The following ROBO2 variants were observed in gnomAD, a reference collection of about 807,000 sequenced individuals.
ROBO2 encodes the protein roundabout guidance receptor 2, also known as roundabout homolog 2.
Under a neutral mutation model 160.8 loss-of-function variants are expected in ROBO2, and 53 were observed. The observed-to-expected ratio is 0.33, with a 90% CI of 0.26 to 0.41. The LOEUF is 0.41. Ranked by LOEUF, ROBO2 falls within the 10% of genes least tolerant of loss-of-function variation. The probability of loss-of-function intolerance (pLI) is 1.00; values close to 1 mark genes in which losing one functional copy is unlikely to be tolerated. For missense variants in ROBO2, 1,577 were observed against 1,722.4 expected (o/e 0.92, Z 1.49); for synonymous variants, 664 against 611.7 (o/e 1.09, Z -1.26).
intron 2 of ROBO2, among the ~76,000 whole-genome samples, chr3:76,409,174 A>G (rs2075363123): frequency 6.6e-6 from 1 of 152,050 alleles, no homozygotes; most frequent in Non-Finnish European, 1.5e-5. Flanking sequence ...GGAAATCTCT[A>G]AAGACTCATG....
At chr3:76,990,230 A>G (rs1559808861) in intron 2 of ROBO2, among the ~76,000 whole-genome samples, 2 of 152,284 alleles carry the variant, frequency 1.3e-5, no homozygotes, top group South Asian at 4.1e-4. Flanking sequence ...TGAAAACCTT[A>G]GCTTTTCTTA....
intron 2 of ROBO2, among the ~76,000 whole-genome samples, chr3:75,970,276 T>C (rs2064956228): frequency 6.6e-6 from 1 of 151,518 alleles, no homozygotes; most frequent in South Asian, 2.1e-4. Context: ...TCCAATAGAA[T>C]ATACAGTTCG....
chr3:76,657,474 G>A (rs1002101263), intron 2 of ROBO2, among the ~76,000 whole-genome samples: 5 of 150,812 alleles, frequency 3.3e-5, no homozygotes, highest in Admixed American at 3.3e-4. Flanking sequence ...GGCCAGCTGC[G>A]GTGGCTCACG....
At position 76,924,187 on chromosome 3, in the gene ROBO2, A is replaced by T. The variant is rs145597393; in HGVS notation, c.110-173827A>T. The stretch of plus-strand genomic sequence containing the variant: ...CCATAATTTTCTACCTTGTATTATT[A>T]TATAATTATTTATGTACTGGTAGGA... On this transcript the variant is annotated intron_variant, in intron 2 of 26. Transcript: ENST00000487694. 6.2e-4 allele frequency among the ~76,000 whole-genome samples: 95 copies of T among 152,300 alleles called. No individual in the cohort carries two copies. The East Asian group carries it at 0.017, about 28-fold the overall frequency.
intron 2 of ROBO2, among the ~76,000 whole-genome samples, chr3:77,245,012 C>A (rs1426607047): frequency 6.6e-6 from 1 of 150,684 alleles, no homozygotes; most frequent in African/African-American, 2.4e-5. Context: ...ATTTTGCTCA[C>A]AAATATTATA....
intron 2 of ROBO2, among the ~76,000 whole-genome samples, chr3:76,609,608 T>G (rs554403154): frequency 3.2e-4 from 48 of 152,322 alleles, no homozygotes; most frequent in African/African-American, 1.1e-3. Flanking sequence ...TTAGCTTGGA[T>G]AGGTTTTTGG....
intron 2 of ROBO2, among the ~76,000 whole-genome samples, chr3:76,013,273 GC>G (rs980490759): frequency 1.4e-5 from 2 of 147,730 alleles, no homozygotes; most frequent in African/African-American, 5.0e-5. Flanking sequence ...GCAATTGGAG[GC>G]TGGGCACGGT....
At chr3:77,028,318 C>T (rs547107140) in intron 2 of ROBO2, among the ~76,000 whole-genome samples, 12 of 152,176 alleles carry the variant, frequency 7.9e-5, no homozygotes, top group African/African-American at 2.2e-4. Flanking sequence ...ACTCTTCTGC[C>T]GAAGTCACTT....
chr3:77,580,419 A>G (rs1202637766), intron 16 of ROBO2, among the ~76,000 whole-genome samples: 3 of 152,184 alleles, frequency 2.0e-5, no homozygotes, highest in Non-Finnish European at 4.4e-5. Flanking sequence ...CCATTGAAAT[A>G]TAATAAAAAT....
At chr3:77,006,637 G>A (rs896860044) in intron 2 of ROBO2, among the ~76,000 whole-genome samples, 29 of 152,086 alleles carry the variant, frequency 1.9e-4, no homozygotes, top group Middle Eastern at 3.4e-3. Context: ...GATAAAGCAC[G>A]CTTGAAATAT....
chr3:76,143,087 C>A (rs186468033), intron 2 of ROBO2, among the ~76,000 whole-genome samples: 4 of 151,776 alleles, frequency 2.6e-5, no homozygotes, highest in Middle Eastern at 3.4e-3. Context: ...AGTTCAATGG[C>A]ACAATCTTAG....
At chr3:77,020,801 T>A (rs1484810176) in intron 2 of ROBO2, among the ~76,000 whole-genome samples, 2 of 152,198 alleles carry the variant, frequency 1.3e-5, no homozygotes, top group Non-Finnish European at 2.9e-5. Context: ...TCTTGAATAG[T>A]AAGATATAGT....
chr3:76,049,691 C>G (rs568859409), intron 2 of ROBO2, among the ~76,000 whole-genome samples: 4 of 152,042 alleles, frequency 2.6e-5, no homozygotes, highest in Non-Finnish European at 4.4e-5. Flanking sequence ...ATATTCTTCT[C>G]TGAATTTAAT....
chr3:76,494,183 A>G (rs2107562670), intron 2 of ROBO2, among the ~76,000 whole-genome samples: 1 of 152,340 alleles, frequency 6.6e-6, no homozygotes, highest in African/African-American at 2.4e-5. Flanking sequence ...GTATATACAT[A>G]CAATGAAATA....
chr3:76,265,974 T>A (rs535563574), intron 2 of ROBO2, among the ~76,000 whole-genome samples: 2 of 152,172 alleles, frequency 1.3e-5, no homozygotes, highest in African/African-American at 2.4e-5. Context: ...TCTTCAAGAA[T>A]ATAATTTTAC....
At chr3:77,374,937 G>A (rs909890929) in intron 2 of ROBO2, among the ~76,000 whole-genome samples, 1 of 152,242 alleles carries the variant, frequency 6.6e-6, no homozygotes, top group African/African-American at 2.4e-5. Context: ...TGCTGGGCAT[G>A]CTGGCTCATA....
intron 2 of ROBO2, among the ~76,000 whole-genome samples, chr3:76,122,706 G>A (rs1164824058): frequency 1.3e-5 from 2 of 152,022 alleles, no homozygotes; most frequent in Non-Finnish European, 2.9e-5. Context: ...CAGATACACA[G>A]ACTAATGTAT....
At chr3:76,109,726 T>C (rs969956641) in intron 2 of ROBO2, among the ~76,000 whole-genome samples, 1 of 152,026 alleles carries the variant, frequency 6.6e-6, no homozygotes, top group Admixed American at 6.6e-5. Context: ...ATGGCTATAT[T>C]GCGAAGTGGT....
intron 2 of ROBO2, among the ~76,000 whole-genome samples, chr3:76,493,337 TTATATATATATATATA>T (rs57835432): frequency 9.5e-6 from 1 of 104,830 alleles, no homozygotes; most frequent in Admixed American, 1.0e-4. Context: ...AGACAAAAAA[TTATATATATATATATA>T]TATATATATA....
Sources: gnomAD v4.1 joint callset for allele counts (sites outside exome capture counted in the v4.1 genomes callset) on GRCh38, gnomAD v4.1.1 for gene constraint, MANE v1.5 for transcripts, NCBI Gene and HGNC (gene_info 2026-07-23, HGNC 2026-07-21) for gene names.